ANKUB1: variants seen among roughly 807,000 people sequenced by gnomAD.
ANKUB1 encodes protein ANKUB1.
In ANKUB1, 42 loss-of-function variants were observed where a neutral mutation model predicts 49.3. That is an observed-to-expected ratio of 0.85 (90% CI 0.67 to 1.10). The LOEUF is 1.10. ANKUB1 is among the 50% of genes least tolerant of loss of function. The pLI is 0.00. For missense variants in ANKUB1, 613 were observed against 642.0 expected (o/e 0.95, Z 0.49); for synonymous variants, 222 against 231.0 (o/e 0.96, Z 0.35).
chr3:149,792,464 T>G lies in ANKUB1; in HGVS notation c.-98A>C. 1.1e-6 allele frequency: 1 copy of G among 948,288 alleles called. No homozygotes were observed. The highest frequency in any genetic ancestry group is 1.5e-6 in the Non-Finnish European group (1 of 670,192). The allele number at this position is 948,288 out of a possible 1,614,324, so 58.7% of individuals were successfully genotyped here. On this transcript the variant is annotated 5_prime_UTR_variant, in exon 1 of 6. Coordinates refer to ENST00000446160, the MANE Select transcript of ANKUB1 (RefSeq NM_001144960.3). ...GGTTCACAATTAAGGACAAAAATGA[T>G]AGCCAGAGGCAGCTGTCACTGTCTA...
chr3:149,773,767 G>T (rs534322795), intron 3 of ANKUB1, among the ~76,000 whole-genome samples: 3 of 151,904 alleles, frequency 2.0e-5, no homozygotes, highest in Admixed American at 6.6e-5. Context: ...GCCCCATACC[G>T]CAGCCTCCTT....
intron 5 of ANKUB1, among the ~76,000 whole-genome samples, chr3:149,763,477 T>C (rs1716861198): frequency 1.3e-5 from 2 of 152,218 alleles, no homozygotes; most frequent in Non-Finnish European, 2.9e-5. Context: ...GATATGCCTT[T>C]TTAAATAAAG....
chr3:149,775,738 T>C (rs910692127), intron 3 of ANKUB1, among the ~76,000 whole-genome samples: 3 of 152,174 alleles, frequency 2.0e-5, no homozygotes, highest in African/African-American at 7.2e-5. Flanking sequence ...AAAGGATGAA[T>C]GCCAGTTTAT....
chr3:149,790,909 G>C lies in ANKUB1; in HGVS notation c.106C>G (p.Pro36Ala). Residue 36 changes from proline to alanine, a missense_variant, in exon 2 of 6, where the codon CCT becomes GCT. Transcript: ENST00000446160. Reference protein sequence around the residue: ...KLMIKDYFHIPLSEDKQGRRY... With the variant: ...KLMIKDYFHIALSEDKQGRRY... ...CTGCCTTGTTTGTCTTCAGAGAGAGGAATGTGGAAATAATCCTTAAAAATC... is the reference window on the plus strand; with the variant it reads ...CTGCCTTGTTTGTCTTCAGAGAGAGCAATGTGGAAATAATCCTTAAAAATC... The C allele has an allele frequency of 5.8e-6, 9 of 1,551,524 alleles. No individual in the cohort carries two copies. Among genetic ancestry groups the C allele is most frequent in the Non-Finnish European group, 7.8e-6 (9 of 1,146,890 alleles).
At chr3:149,769,906 AC>A (rs1472575369) in intron 4 of ANKUB1, among the ~76,000 whole-genome samples, 3 of 152,142 alleles carry the variant, frequency 2.0e-5, no homozygotes, top group Admixed American at 6.5e-5. Flanking sequence ...CCATTTAATG[AC>A]CTTTGAACAA....
At chr3:149,786,997 C>CT in intron 2 of ANKUB1, among the ~76,000 whole-genome samples, 1 of 152,268 alleles carries the variant, frequency 6.6e-6, no homozygotes, top group African/African-American at 2.4e-5. Context: ...AGTTTGAAGT[C>CT]AGGTAGCATG....
chr3:149,784,308 A>G (rs540157108), intron 2 of ANKUB1, among the ~76,000 whole-genome samples: 1 of 152,314 alleles, frequency 6.6e-6, no homozygotes, highest in African/African-American at 2.4e-5. Flanking sequence ...TCACGCTCTG[A>G]AAAGCACAAC....
intron 2 of ANKUB1, among the ~76,000 whole-genome samples, chr3:149,788,743 G>A (rs1295790796): frequency 6.6e-6 from 1 of 151,838 alleles, no homozygotes; most frequent in Non-Finnish European, 1.5e-5. Flanking sequence ...GAAACTGGGG[G>A]CCAGAGAAGG....
intron 5 of ANKUB1, 37 bp from the exon 6 acceptor site, chr3:149,761,650 G>T: frequency 6.5e-7 from 1 of 1,545,270 alleles, no homozygotes; most frequent in East Asian, 2.4e-5. Context: ...AAGGAGGTCT[G>T]ATCTTGTCTG....
At chr3:149,765,537 C>A (rs1716974518) in intron 5 of ANKUB1, among the ~76,000 whole-genome samples, 1 of 150,614 alleles carries the variant, frequency 6.6e-6, no homozygotes, top group Non-Finnish European at 1.5e-5. Flanking sequence ...TAAAACCACA[C>A]ACACACACAT....
At chr3:149,780,598 T>C (rs1717819170) in intron 2 of ANKUB1, 143 bp from the exon 3 acceptor site, 1 of 646,096 alleles carries the variant, frequency 1.5e-6, no homozygotes, top group East Asian at 2.7e-5. Flanking sequence ...CTCTGCCTTC[T>C]GGTCTGAGTC....
chr3:149,761,336 A>T lies in ANKUB1; in HGVS notation c.*148T>A, dbSNP rs1716774432. The T allele has an allele frequency of 1.1e-6, 1 of 892,498 alleles. No homozygotes were observed. Among genetic ancestry groups the T allele is most frequent in the Non-Finnish European group, 1.6e-6 (1 of 619,224 alleles). The allele number at this position is 892,498 out of a possible 1,614,324, so 55.3% of individuals were successfully genotyped here. ...TTAGTGTGATGAAGTCTGAGAAAAC[A>T]TGGTGTTAAATATCCTATTAAAAGT... On this transcript the variant is annotated 3_prime_UTR_variant, in exon 6 of 6. Transcript: ENST00000446160.
At position 149,770,579 on chromosome 3, in the gene ANKUB1, T is replaced by C; in HGVS notation, c.547A>G (p.Lys183Glu). The C allele has an allele frequency of 6.5e-7, 1 of 1,548,280 alleles. No homozygotes were observed. Among genetic ancestry groups the C allele is most frequent in the Non-Finnish European group, 8.7e-7 (1 of 1,145,404 alleles). The change falls in exon 4 of 6, where the codon AAA (lysine) becomes GAA (glutamate). Residue 183 changes from lysine (K) to glutamate (E), a missense_variant. Physicochemically the swap from Lys to Glu is moderately conservative, Grantham distance 56 (BLOSUM62 1). Transcript: ENST00000446160. Reference protein sequence around the residue: ...QKLKVQRYLSKEGPVLKYQKR... With the variant: ...QKLKVQRYLSEEGPVLKYQKR... Reference sequence around the variant, plus strand: ...TCATACTTGAGTACTGGTCCTTCTTTTGATAAGTAGCGTTGGACTTTAAGT... The same window carrying C: ...TCATACTTGAGTACTGGTCCTTCTTCTGATAAGTAGCGTTGGACTTTAAGT...
chr3:149,785,327 T>C (rs537665044), intron 2 of ANKUB1, among the ~76,000 whole-genome samples: 24 of 152,170 alleles, frequency 1.6e-4, no homozygotes, highest in Non-Finnish European at 3.4e-4. Context: ...TTGTTACATA[T>C]GTATACATGT....
chr3:149,780,435 T>C lies in ANKUB1; in HGVS notation c.255A>G (p.Leu85=), dbSNP rs2108274987. ...CFVKEEDKPT[L]YVFNAVTQDT... ...CTTGAGTTACAGCATTGAACACGTA[T>C]AGAGTAGGCTTGTCTTCTTCCTAAA... Residue 85 remains leucine (L), a synonymous_variant, in exon 3 of 6, where the codon CTA becomes CTG. Transcript: ENST00000446160. The C allele has an allele frequency of 6.4e-7, 1 of 1,551,918 alleles. No homozygotes were observed. The highest frequency in any genetic ancestry group is 2.4e-5 in the East Asian group (1 of 40,918).
At chr3:149,789,609 T>A (rs990957769) in intron 2 of ANKUB1, among the ~76,000 whole-genome samples, 3 of 150,622 alleles carry the variant, frequency 2.0e-5, no homozygotes, top group Middle Eastern at 6.9e-3. Context: ...TCCTACTTAA[T>A]AATAAATATT....
chr3:149,790,879 A>G lies in ANKUB1; in HGVS notation c.136T>C (p.Tyr46His), dbSNP rs1395899070. ...GCTCCAGCATACATTAACTCCAGAT[A>G]CCGCCTGCCTTGTTTGTCTTCAGAG... ...PLSEDKQGRRYLELMYAGAAL... is the reference protein window; with the variant it reads ...PLSEDKQGRRHLELMYAGAAL... The change falls in exon 2 of 6, where the codon TAT becomes CAT. Residue 46 changes from tyrosine to histidine, a missense_variant. By Grantham distance (83) the Tyr-to-His change is moderately conservative (BLOSUM62 2). Coordinates refer to ENST00000446160, the MANE Select transcript of ANKUB1 (RefSeq NM_001144960.3). 2.1e-5 allele frequency: 33 copies of G among 1,552,062 alleles called. No individual in the cohort carries two copies. The highest frequency in any genetic ancestry group is 2.9e-5 in the Non-Finnish European group (33 of 1,147,072).
At chr3:149,788,298 A>G (rs1718204716) in intron 2 of ANKUB1, among the ~76,000 whole-genome samples, 1 of 152,146 alleles carries the variant, frequency 6.6e-6, no homozygotes, top group East Asian at 1.9e-4. Context: ...TACCGTTAGT[A>G]AAATTTTAGG....
rs533471643 is a variant in ANKUB1, at chr3:149,766,925, T to G, written c.1505+232A>C. 3.4e-4 allele frequency: 380 copies of G among 1,131,346 alleles called. 6 individuals are homozygous for G. The highest frequency in any genetic ancestry group is 4.1e-4 in the Non-Finnish European group (324 of 781,696). The allele number at this position is 1,131,346 out of a possible 1,614,324, so 70.1% of individuals were successfully genotyped here. On this transcript the variant is annotated intron_variant, in intron 5 of 5. Coordinates refer to ENST00000446160, the MANE Select transcript of ANKUB1 (RefSeq NM_001144960.3). The stretch of plus-strand genomic sequence containing the variant: ...TACAATTCTTTCTACTGTGTTTCTT[T>G]CCCTCCTGAAAGTTTGAGGAGTAAA...
Sources: allele counts gnomAD v4.1 joint callset (sites outside exome capture counted in the v4.1 genomes callset), GRCh38; gene constraint gnomAD v4.1.1; transcripts MANE v1.5; gene names NCBI Gene and HGNC (gene_info 2026-07-23, HGNC 2026-07-21).